MYT1L: variants seen among roughly 807,000 people sequenced by gnomAD.
MYT1L encodes myelin transcription factor 1-like protein.
Under a neutral mutation model 126.7 loss-of-function variants are expected in MYT1L, and 12 were observed. The observed-to-expected ratio is 0.09, with a 90% CI of 0.06 to 0.15. MYT1L has a LOEUF of 0.15. MYT1L is among the 10% of genes least tolerant of loss of function. The pLI is 1.00. For synonymous variants in MYT1L, 541 were observed against 604.2 expected (o/e 0.90, Z 1.53); for missense variants, 979 against 1,585.2 (o/e 0.62, Z 6.49).
At chr2:2,117,153 C>G (rs2080318026) in intron 3 of MYT1L, among the ~76,000 whole-genome samples, 1 of 152,168 alleles carries the variant, frequency 6.6e-6, no homozygotes, top group Non-Finnish European at 1.5e-5. Flanking sequence ...GGTCTCTTGC[C>G]AGAGCCACGG....
At chr2:2,276,909 A>G (rs28437472) in intron 2 of MYT1L, among the ~76,000 whole-genome samples, 1,905 of 152,180 alleles carry the variant, frequency 0.013, 30 homozygotes, top group African/African-American at 0.043. Flanking sequence ...ATGGTGCTTG[A>G]CCACGGCACC....
chr2:1,822,185 C>A (rs561110285), intron 21 of MYT1L, among the ~76,000 whole-genome samples: 8 of 152,162 alleles, frequency 5.3e-5, no homozygotes, highest in Non-Finnish European at 5.9e-5. Context: ...TTGGGCTGGG[C>A]GGCTCCCAGT....
At chr2:1,937,099 T>C (rs765547924) in intron 9 of MYT1L, among the ~76,000 whole-genome samples, 5 of 152,146 alleles carry the variant, frequency 3.3e-5, no homozygotes, top group Non-Finnish European at 5.9e-5. Flanking sequence ...AGCCTGATAC[T>C]AGAATGGAAC....
chr2:1,881,355 CGTGTGTGTGTGT>C (rs59171974), intron 18 of MYT1L, among the ~76,000 whole-genome samples: 31,765 of 139,162 alleles, frequency 0.23, 4,334 homozygotes, highest in African/African-American at 0.41. Context: ...TTTGCAGGTT[CGTGTGTGTGTGT>C]GTGTGTGTGT....
intron 8 of MYT1L, among the ~76,000 whole-genome samples, chr2:1,968,498 T>C (rs995389682): frequency 2.0e-5 from 3 of 152,198 alleles, no homozygotes; most frequent in Non-Finnish European, 4.4e-5. Context: ...AGTAGTGCAT[T>C]AGATAATATT....
chr2:2,177,776 C>T (rs1046115134), intron 2 of MYT1L, among the ~76,000 whole-genome samples: 1 of 152,204 alleles, frequency 6.6e-6, no homozygotes. Context: ...AAACCACCCC[C>T]ACGATCCAAT....
intron 8 of MYT1L, among the ~76,000 whole-genome samples, chr2:1,964,898 G>A (rs559735571): frequency 6.6e-6 from 1 of 152,318 alleles, no homozygotes; most frequent in Admixed American, 6.5e-5. Context: ...TCACGGGCAA[G>A]GAAGACTGAC....
At chr2:2,256,885 TG>T (rs2094826675) in intron 2 of MYT1L, among the ~76,000 whole-genome samples, 1 of 152,138 alleles carries the variant, frequency 6.6e-6, no homozygotes, top group Non-Finnish European at 1.5e-5. Context: ...TGTATGAGAG[TG>T]TGCATGTGTG....
chr2:2,156,929 G>A (rs946656296), intron 3 of MYT1L, among the ~76,000 whole-genome samples: 1 of 152,208 alleles, frequency 6.6e-6, no homozygotes, highest in African/African-American at 2.4e-5. Flanking sequence ...GGTTTCTTTA[G>A]AAAACAAAGC....
chr2:2,140,432 C>CTT (rs35297300), intron 3 of MYT1L, among the ~76,000 whole-genome samples: 59 of 112,962 alleles, frequency 5.2e-4, no homozygotes, highest in East Asian at 7.3e-4. Flanking sequence ...CTTTCTTTTT[C>CTT]TTTTTTTTTT....
At chr2:2,199,466 G>A (rs536718438) in intron 2 of MYT1L, among the ~76,000 whole-genome samples, 19 of 152,200 alleles carry the variant, frequency 1.2e-4, no homozygotes, top group Non-Finnish European at 1.9e-4. Flanking sequence ...GTGATCCCCC[G>A]TCACACTCTC....
At chr2:2,142,052 A>G (rs894769852) in intron 3 of MYT1L, among the ~76,000 whole-genome samples, 1 of 152,182 alleles carries the variant, frequency 6.6e-6, no homozygotes, top group Non-Finnish European at 1.5e-5. Context: ...TTTAAAAATA[A>G]TTACTTCTGT....
chr2:1,861,782 T>TA (rs1187354817), intron 18 of MYT1L, among the ~76,000 whole-genome samples: 8 of 152,416 alleles, frequency 5.2e-5, no homozygotes, highest in African/African-American at 1.7e-4. Context: ...TAATCCTGGA[T>TA]CTGCCTGCAG....
intron 1 of MYT1L, among the ~76,000 whole-genome samples, chr2:2,294,370 G>A (rs2095642002): frequency 6.6e-6 from 1 of 152,140 alleles, no homozygotes; most frequent in Non-Finnish European, 1.5e-5. Context: ...TTTCAATTTA[G>A]AAAGAATGGG....
intron 18 of MYT1L, among the ~76,000 whole-genome samples, chr2:1,858,580 T>C (rs965039293): frequency 5.9e-5 from 9 of 152,190 alleles, no homozygotes; most frequent in Admixed American, 2.0e-4. Context: ...AGGAGCCCCC[T>C]TGGATTTGGT....
At position 1,858,970 on chromosome 2, in the gene MYT1L, G is replaced by C. The variant is rs568232077; in HGVS notation, c.2712-7267C>G. ...GCCTCTCATTAGGAAAGGGTGCGGC[G>C]GCATGCCTGCTACTTGGAAGTACCA... On this transcript the variant is annotated intron_variant, in intron 18 of 24. Coordinates refer to ENST00000647738, the MANE Select transcript of MYT1L (RefSeq NM_001303052.2). 5.1e-4 allele frequency among the ~76,000 whole-genome samples: 77 copies of C among 152,230 alleles called. 1 individual carries two copies. Among genetic ancestry groups the C allele is most frequent in the African/African-American group, 1.7e-3 (71 of 41,526 alleles).
chr2:1,900,581 G>A (rs1163676163), intron 14 of MYT1L, among the ~76,000 whole-genome samples: 1 of 152,146 alleles, frequency 6.6e-6, no homozygotes, highest in Non-Finnish European at 1.5e-5. Flanking sequence ...TTACAGGCGT[G>A]AGCCCCCTCG....
chr2:2,135,079 C>G (rs1484354854), intron 3 of MYT1L, among the ~76,000 whole-genome samples: 1 of 152,204 alleles, frequency 6.6e-6, no homozygotes, highest in Admixed American at 6.5e-5. Context: ...CTCACTGGTG[C>G]AGAATTTCTG....
At chr2:2,241,602 T>C (rs1316685153) in intron 2 of MYT1L, among the ~76,000 whole-genome samples, 1 of 152,158 alleles carries the variant, frequency 6.6e-6, no homozygotes, top group Non-Finnish European at 1.5e-5. Flanking sequence ...TCCAAATGCG[T>C]TTCTTTCTTA....
Sources: gnomAD v4.1 joint callset for allele counts (sites outside exome capture counted in the v4.1 genomes callset) on GRCh38, gnomAD v4.1.1 for gene constraint, MANE v1.5 for transcripts, NCBI Gene and HGNC (gene_info 2026-07-23, HGNC 2026-07-21) for gene names.